The following PRKAR1A variants were observed in gnomAD, a reference collection of about 807,000 sequenced individuals.
PRKAR1A encodes protein kinase cAMP-dependent type I regulatory subunit alpha.
A neutral mutation model predicts 52.0 loss-of-function variants in PRKAR1A; 3 were observed. That is an observed-to-expected ratio of 0.06 (90% CI 0.03 to 0.15). The LOEUF is 0.15. PRKAR1A is among the 10% of genes least tolerant of loss of function. PRKAR1A has a pLI of 1.00. For synonymous variants in PRKAR1A, 188 were observed against 168.4 expected (o/e 1.12, Z -0.90); for missense variants, 240 against 477.4 (o/e 0.50, Z 4.63).
Position 68,531,349 on chromosome 17 carries a change from C to G in PRKAR1A, c.*900C>G, listed in dbSNP as rs899974437. On this transcript the variant is annotated 3_prime_UTR_variant, in exon 11 of 11. Transcript: ENST00000589228. Reference sequence around the variant, plus strand: ...GTTAAAGTATGTCCTTCAGCTGACTCCAGTATAATCTCCTCTGCTCATTAA... The same window carrying G: ...GTTAAAGTATGTCCTTCAGCTGACTGCAGTATAATCTCCTCTGCTCATTAA... 1.9e-6 allele frequency: 2 copies of G among 1,065,762 alleles called. No individual in the cohort carries two copies. Among genetic ancestry groups the G allele is most frequent in the African/African-American group, 3.3e-5 (2 of 61,048 alleles). 66.0% of individuals were successfully genotyped at this position (1,065,762 alleles called of 1,614,324 possible). A position where few individuals can be genotyped will look rare whatever the true frequency, so the allele number is the denominator to read the frequency against.
At chr17:68,486,430 TTTCCTTCCTTCC>T in the PRKAR1A span, among the ~76,000 whole-genome samples, 1 of 149,446 alleles carries the variant, frequency 6.7e-6, no homozygotes, top group African/African-American at 2.5e-5. Context: ...CCTTCTTTCT[TTTCCTTCCTTCC>T]TTCCTTCCCT....
the PRKAR1A span, among the ~76,000 whole-genome samples, chr17:68,492,813 C>T: frequency 6.6e-6 from 1 of 152,136 alleles, no homozygotes; most frequent in East Asian, 1.9e-4. Context: ...CTTTAGACTC[C>T]ATCCAGGTCC....
At chr17:68,427,361 AT>A in the PRKAR1A span, 2 of 834,502 alleles carry the variant, frequency 2.4e-6, no homozygotes, top group Non-Finnish European at 3.8e-6. Flanking sequence ...TCTGTGGGTT[AT>A]TTATTTATTT....
the PRKAR1A span, among the ~76,000 whole-genome samples, chr17:68,458,820 T>C: frequency 1.3e-5 from 2 of 152,242 alleles, no homozygotes; most frequent in Admixed American, 6.5e-5. Context: ...GTTATTGTTA[T>C]ATGACAGTCT....
intron 11 of PRKAR1A, chr17:68,541,285 C>T: frequency 2.6e-6 from 1 of 378,260 alleles, no homozygotes; most frequent in Non-Finnish European, 5.1e-6. Flanking sequence ...GTCCCTCTCA[C>T]CAAGCCTCTT....
At chr17:68,436,694 C>A in the PRKAR1A span, among the ~76,000 whole-genome samples, 1 of 152,182 alleles carries the variant, frequency 6.6e-6, no homozygotes, top group Non-Finnish European at 1.5e-5. Flanking sequence ...ACACTGGCTG[C>A]GTCCTTGCTA....
Position 68,539,944 on chromosome 17 carries a change from A to G in PRKAR1A, c.973+9943A>G, listed in dbSNP as rs200680124. On this transcript the variant is annotated intron_variant, in intron 11 of 11. Transcript: ENST00000585981. ...CATCCCCGAACTTGGTGAACATCTC[A>G]TAATGGTGCCGGTCCATATTCCCTG... 21 of 1,567,312 alleles carry G rather than the reference A, an allele frequency of 1.3e-5. No homozygotes were observed. The Admixed American group carries it at 3.4e-4, about 25-fold the overall frequency.
the PRKAR1A span, among the ~76,000 whole-genome samples, chr17:68,433,143 A>G: frequency 6.6e-6 from 1 of 152,274 alleles, no homozygotes; most frequent in Admixed American, 6.5e-5. Flanking sequence ...AACACTTTAG[A>G]TCTGCAGACT....
the PRKAR1A span, chr17:68,457,392 C>CG: frequency 6.5e-7 from 1 of 1,534,758 alleles, no homozygotes; most frequent in Non-Finnish European, 8.8e-7. Flanking sequence ...CAACCCCGCC[C>CG]GGGGGAGCGT....
the PRKAR1A span, among the ~76,000 whole-genome samples, chr17:68,437,500 G>A: frequency 6.6e-6 from 1 of 151,956 alleles, no homozygotes; most frequent in Non-Finnish European, 1.5e-5. Context: ...GCTGCAGTGA[G>A]TGAAGATAGT....
the PRKAR1A span, chr17:68,435,682 C>T: frequency 6.2e-7 from 1 of 1,614,180 alleles, no homozygotes; most frequent in Non-Finnish European, 8.5e-7. Flanking sequence ...GCTAGTGTTC[C>T]CTCATGGGCA....
the PRKAR1A span, among the ~76,000 whole-genome samples, chr17:68,468,287 G>A: frequency 2.0e-5 from 3 of 152,152 alleles, no homozygotes; most frequent in Non-Finnish European, 4.4e-5. Flanking sequence ...TGGGGCTAAG[G>A]GTAGATATGT....
chr17:68,515,490 C>T lies in PRKAR1A; in HGVS notation c.91C>T (p.Leu31Phe), dbSNP rs2143151261. The change falls in exon 2 of 11, where the codon CTC becomes TTC. Residue 31 changes from leucine (L) to phenylalanine (F), a missense_variant. Physicochemically the swap from Leu to Phe is conservative, Grantham distance 22 (BLOSUM62 0). Around this residue, in one of 4 missense-constraint regions of PRKAR1A, gnomAD observed 107 missense variants for 114.6 expected, o/e 0.93. Transcript: ENST00000589228. ...YVQKHNIQAL[L>F]KDSIVQLCTA... is the part of the protein sequence containing the mutation. Reference sequence around the variant, plus strand: ...CCAGAAGCATAACATTCAAGCGCTGCTCAAAGATTCTATTGTGCAGTTGTG... The same window carrying T: ...CCAGAAGCATAACATTCAAGCGCTGTTCAAAGATTCTATTGTGCAGTTGTG... 3.7e-6 allele frequency: 6 copies of T among 1,613,508 alleles called. No individual in the cohort carries two copies. Among genetic ancestry groups the T allele is most frequent in the Non-Finnish European group, 5.1e-6 (6 of 1,180,044 alleles).
intron 11 of PRKAR1A, chr17:68,539,827 C>A: frequency 6.4e-7 from 1 of 1,551,962 alleles, no homozygotes; most frequent in Non-Finnish European, 8.9e-7. Flanking sequence ...GAGCAGCTGG[C>A]TGCACAGAGC....
chr17:68,459,675 C>G, the PRKAR1A span, among the ~76,000 whole-genome samples: 2 of 152,130 alleles, frequency 1.3e-5, 1 homozygote, highest in African/African-American at 4.8e-5. Context: ...ATAAAATGAG[C>G]CCCAAATGTG....
At chr17:68,478,948 G>A in the PRKAR1A span, among the ~76,000 whole-genome samples, 10 of 152,070 alleles carry the variant, frequency 6.6e-5, no homozygotes, top group African/African-American at 9.7e-5. Context: ...GGCTGGTCTC[G>A]AACTCCCAAC....
At chr17:68,444,903 G>A in the PRKAR1A span, among the ~76,000 whole-genome samples, 19 of 148,126 alleles carry the variant, frequency 1.3e-4, no homozygotes, top group African/African-American at 4.0e-4. Flanking sequence ...CTTAGAACAG[G>A]GATCCTGAAC....
the PRKAR1A span, among the ~76,000 whole-genome samples, chr17:68,455,080 G>C: frequency 2.6e-5 from 4 of 152,084 alleles, no homozygotes; most frequent in Non-Finnish European, 4.4e-5. Context: ...ACCCAAAGTA[G>C]GCTGGGCATA....
At chr17:68,439,458 A>C in the PRKAR1A span, among the ~76,000 whole-genome samples, 1 of 152,222 alleles carries the variant, frequency 6.6e-6, no homozygotes, top group Admixed American at 6.5e-5. Context: ...CAGAAAGTAG[A>C]TTAGGGGTTG....
Sources: allele counts gnomAD v4.1 joint callset (sites outside exome capture counted in the v4.1 genomes callset), GRCh38; gene constraint gnomAD v4.1.1; regional missense constraint gnomAD v4.1.1; transcripts MANE v1.5; gene names NCBI Gene and HGNC (gene_info 2026-07-23, HGNC 2026-07-21).